Variants in ADAMTS2 observed in about 807,000 individuals in gnomAD.
ADAMTS2 encodes the protein ADAM metallopeptidase with thrombospondin type 1 motif 2, also known as A disintegrin and metalloproteinase with thrombospondin motifs 2.
In ADAMTS2, 50 loss-of-function variants were observed where a neutral mutation model predicts 123.0. That is an observed-to-expected ratio of 0.41 (90% CI 0.32 to 0.51). The LOEUF (loss-of-function observed/expected upper bound fraction) is 0.51. Ranked by LOEUF, ADAMTS2 falls within the 20% of genes least tolerant of loss-of-function variation. The probability of loss-of-function intolerance (pLI) is 0.35; values close to 1 mark genes in which losing one functional copy is unlikely to be tolerated. For missense variants in ADAMTS2, 1,494 were observed against 1,705.2 expected, an observed-to-expected ratio of 0.88 and a Z score of 2.18; for synonymous variants, 678 against 695.4, an observed-to-expected ratio of 0.98 and a Z score of 0.39.
intron 4 of ADAMTS2, among the ~76,000 whole-genome samples, chr5:179,187,764 G>C (rs759635150): frequency 6.6e-6 from 1 of 152,202 alleles, no homozygotes; most frequent in Non-Finnish European, 1.5e-5. Context: ...TTAAACCTTG[G>C]GGGGAAATGT....
At chr5:179,165,278 C>G (rs909301048) in intron 5 of ADAMTS2, among the ~76,000 whole-genome samples, 1 of 152,230 alleles carries the variant, frequency 6.6e-6, no homozygotes, top group Non-Finnish European at 1.5e-5. Context: ...TGCTATGTAT[C>G]AAGCCTGGGA....
chr5:179,123,592 AT>A (rs563532407), intron 19 of ADAMTS2, among the ~76,000 whole-genome samples: 1 of 151,948 alleles, frequency 6.6e-6, no homozygotes, highest in African/African-American at 2.4e-5. Flanking sequence ...CATCTGGCTA[AT>A]TTTTTTTAAT....
At chr5:179,165,687 T>C (rs1763684373) in intron 5 of ADAMTS2, among the ~76,000 whole-genome samples, 1 of 152,146 alleles carries the variant, frequency 6.6e-6, no homozygotes, top group Non-Finnish European at 1.5e-5. Flanking sequence ...GGGATGGACA[T>C]TTCGAGGCCC....
At chr5:179,219,461 G>A (rs1179842331) in intron 3 of ADAMTS2, among the ~76,000 whole-genome samples, 1 of 152,250 alleles carries the variant, frequency 6.6e-6, no homozygotes, top group African/African-American at 2.4e-5. Context: ...TCTCTTGAAC[G>A]ATTGAGGCAT....
At chr5:179,209,466 G>T (rs1053186078) in intron 3 of ADAMTS2, among the ~76,000 whole-genome samples, 12 of 152,090 alleles carry the variant, frequency 7.9e-5, no homozygotes, top group African/African-American at 2.7e-4. Flanking sequence ...ACCTTCGGGG[G>T]TCCTTGTGCC....
Position 179,245,783 on chromosome 5 carries a change from A to C in ADAMTS2, c.688+27128T>G, listed in dbSNP as rs1182709467. On this transcript the variant is annotated intron_variant, in intron 3 of 21. Coordinates refer to ENST00000251582, the MANE Select transcript of ADAMTS2 (RefSeq NM_014244.5). ...TCCGTCTCAAAAAAAAAAAAAAAAA[A>C]AAAAAAAAAAAACAAAAAAAACAAA... 4.3e-5 allele frequency among the ~76,000 whole-genome samples: 6 copies of C among 138,946 alleles called. No homozygotes were observed. In the East Asian group the frequency reaches 7.9e-4, roughly 18 times the overall value. 91.2% of individuals were successfully genotyped at this position (138,946 alleles called of 152,430 possible).
chr5:179,266,589 C>T (rs762615034), intron 3 of ADAMTS2, among the ~76,000 whole-genome samples: 11 of 152,200 alleles, frequency 7.2e-5, no homozygotes, highest in African/African-American at 1.2e-4. Context: ...TCTGAGCTCC[C>T]GAACTGTGAG....
At chr5:179,249,060 A>G (rs1325257418) in intron 3 of ADAMTS2, among the ~76,000 whole-genome samples, 2 of 152,220 alleles carry the variant, frequency 1.3e-5, no homozygotes, top group East Asian at 3.8e-4. Context: ...CAGTGGAATA[A>G]AACTAGAAAT....
chr5:179,126,498 A>G (rs1762861857), intron 17 of ADAMTS2, among the ~76,000 whole-genome samples: 2 of 152,190 alleles, frequency 1.3e-5, no homozygotes, highest in African/African-American at 4.8e-5. Flanking sequence ...CGCAGCCCGC[A>G]TGCTTCCTCC....
rs1393818759 is a variant in ADAMTS2, at chr5:179,345,311, T to A, written c.18A>T (p.Gly6=). The change falls in exon 1 of 22, where the codon GGA becomes GGT. Residue 6 remains glycine, a synonymous_variant. Coordinates refer to ENST00000251582, the MANE Select transcript of ADAMTS2 (RefSeq NM_014244.5). This position sits in a 1 kb window ranked among gnomAD's most constrained non-coding sequence, Gnocchi z 7.5. ...CGGGGCAGAGCAGGCGGCGAGCGGC[T>A]CCCGCCGGCGGATCCATGGCAGCCG... is the stretch of plus-strand genomic sequence containing the variant. The part of the protein sequence containing the change: MDPPA[G]AARRLLCPAL... The A allele has an allele frequency of 8.8e-7, 1 of 1,133,458 alleles. No homozygotes were observed. Among genetic ancestry groups the A allele is most frequent in the East Asian group, 4.5e-5 (1 of 22,190 alleles). 70.2% of individuals were successfully genotyped at this position (1,133,458 alleles called of 1,614,324 possible). A position where few individuals can be genotyped will look rare whatever the true frequency, so the allele number is the denominator to read the frequency against.
Position 179,187,331 on chromosome 5 carries a change from G to C in ADAMTS2, c.892-6176C>G, listed in dbSNP as rs570129364. Among the ~76,000 whole-genome samples the C allele has an allele frequency of 8.5e-5, 13 of 152,306 alleles. No homozygotes were observed. The East Asian group carries it at 2.5e-3, about 30-fold the overall frequency. ...TGGCCCTGCTGAGTCTTCTCGGGCT[G>C]CCCTGGCCCTGCTCCCTGTGCTCCA... On this transcript the variant is annotated intron_variant, in intron 4 of 21. Coordinates refer to ENST00000251582, the MANE Select transcript of ADAMTS2 (RefSeq NM_014244.5).
At chr5:179,319,429 T>C (rs1757095871) in intron 2 of ADAMTS2, among the ~76,000 whole-genome samples, 1 of 152,046 alleles carries the variant, frequency 6.6e-6, no homozygotes, top group Non-Finnish European at 1.5e-5. Context: ...GCACATGCAT[T>C]ATACATGCAC....
intron 19 of ADAMTS2, among the ~76,000 whole-genome samples, chr5:179,123,436 T>C (rs923311505): frequency 5.9e-5 from 9 of 152,224 alleles, no homozygotes; most frequent in Admixed American, 3.9e-4. Flanking sequence ...TCTTTTGTTG[T>C]TGGTTTCGAG....
intron 5 of ADAMTS2, among the ~76,000 whole-genome samples, chr5:179,160,141 C>T (rs1763566789): frequency 6.6e-6 from 1 of 152,312 alleles, no homozygotes; most frequent in African/African-American, 2.4e-5. Context: ...AGTAGAGCCA[C>T]GTATTTCTCT....
In ADAMTS2 at chr5:179,132,331, C is replaced by A; in HGVS notation, c.2210-21G>T. The A allele has an allele frequency of 1.2e-6, 2 of 1,612,128 alleles. No homozygotes were observed. Among genetic ancestry groups the A allele is most frequent in the African/African-American group, 2.7e-5 (2 of 75,018 alleles). On this transcript the variant is annotated intron_variant, in intron 14 of 21. Transcript: ENST00000251582. This position sits in a 1 kb window ranked among gnomAD's most constrained non-coding sequence, Gnocchi z 6.1. ...GTAACCTTTTTTTGATGTGGAAAGA[C>A]ACAGAAAACTGAGAAGGGAAGGCGC...
In ADAMTS2 at chr5:179,242,459, C is replaced by T. The variant is rs1765691417; in HGVS notation, c.688+30452G>A. 6.6e-6 allele frequency among the ~76,000 whole-genome samples: 1 copy of T among 152,202 alleles called. No individual in the cohort carries two copies. The highest frequency in any genetic ancestry group is 2.4e-5 in the African/African-American group (1 of 41,442). ...TCTGGAATGGTGGTGAGAGGAGCCC[C>T]ATGGACACATTCCCCTCAGAACAAC... On this transcript the variant is annotated intron_variant, in intron 3 of 21. Transcript: ENST00000251582. The surrounding 1 kb of genome is among the most constrained non-coding windows in gnomAD (Gnocchi z 4.2).
At chr5:179,316,413 C>G (rs1394841693) in intron 2 of ADAMTS2, among the ~76,000 whole-genome samples, 1 of 152,154 alleles carries the variant, frequency 6.6e-6, no homozygotes, top group South Asian at 2.1e-4. Flanking sequence ...AGGAGCAGGG[C>G]TGGGGAGTCG....
chr5:179,257,483 C>G (rs547412721), intron 3 of ADAMTS2, among the ~76,000 whole-genome samples: 1 of 152,136 alleles, frequency 6.6e-6, no homozygotes, highest in Non-Finnish European at 1.5e-5. Context: ...GGGGCTGCTC[C>G]GAACCCGGCG....
chr5:179,316,193 C>A (rs140868035), intron 2 of ADAMTS2, among the ~76,000 whole-genome samples: 8 of 152,284 alleles, frequency 5.3e-5, no homozygotes, highest in Non-Finnish European at 1.2e-4. Context: ...AGACGGGAGA[C>A]AAGAGCCCAG....
Sources: gnomAD v4.1 joint callset for allele counts (sites outside exome capture counted in the v4.1 genomes callset) on GRCh38, gnomAD v4.1.1 for gene constraint, Gnocchi (gnomAD v3.1) non-coding constraint, MANE v1.5 for transcripts, NCBI Gene and HGNC (gene_info 2026-07-23, HGNC 2026-07-21) for gene names.